Variants in KCNN2 observed in about 807,000 individuals in gnomAD.
KCNN2 encodes potassium calcium-activated channel subfamily N member 2, also known as small conductance calcium-activated potassium channel protein 2.
Under a neutral mutation model 55.5 loss-of-function variants are expected in KCNN2, and 24 were observed. The ratio of observed to expected loss-of-function variants is 0.43; its 90% CI spans 0.31 to 0.61. KCNN2 has a LOEUF of 0.61. Among genes scored for constraint, KCNN2 ranks in the 20% least tolerant of loss-of-function variants. KCNN2 has a pLI of 0.08. For missense variants in KCNN2, 754 were observed against 853.6 expected, an observed-to-expected ratio of 0.88 and a Z score of 1.45; for synonymous variants, 431 against 336.1, an observed-to-expected ratio of 1.28 and a Z score of -3.09.
chr5:114,399,833 G>A (rs116325239), intron 2 of KCNN2, among the ~76,000 whole-genome samples: 4,242 of 151,648 alleles, frequency 0.028, 75 homozygotes, highest in Middle Eastern at 0.062. Flanking sequence ...TCGATCTTGG[G>A]AGATTGTATG....
intron 3 of KCNN2, among the ~76,000 whole-genome samples, chr5:114,419,719 A>G (rs1338766531): frequency 1.3e-5 from 2 of 152,218 alleles, no homozygotes; most frequent in African/African-American, 4.8e-5. Context: ...TGGCCTGTGC[A>G]GTGGCTCATG....
intron 4 of KCNN2, among the ~76,000 whole-genome samples, chr5:114,465,784 G>GACTT (rs1258129758): frequency 4.6e-5 from 7 of 152,158 alleles, no homozygotes; most frequent in African/African-American, 7.2e-5. Flanking sequence ...ATAAGGATCA[G>GACTT]ACTTATTTCC....
intron 2 of KCNN2, among the ~76,000 whole-genome samples, chr5:114,373,181 A>C (rs1336639930): frequency 6.6e-6 from 1 of 152,110 alleles, no homozygotes; most frequent in Non-Finnish European, 1.5e-5. Flanking sequence ...TGCCAGGTTC[A>C]TTGAGTACTG....
intron 2 of KCNN2, among the ~76,000 whole-genome samples, chr5:114,317,473 G>T (rs867688640): frequency 1.1e-4 from 17 of 152,166 alleles, no homozygotes; most frequent in African/African-American, 3.9e-4. Flanking sequence ...AGTGTGCAAT[G>T]ATAGCAAAAA....
chr5:114,227,884 G>T (rs1225619567), intron 2 of KCNN2, among the ~76,000 whole-genome samples: 1 of 152,038 alleles, frequency 6.6e-6, no homozygotes, highest in Non-Finnish European at 1.5e-5. Context: ...TATATATATA[G>T]TAGGTGAATA....
intron 1 of KCNN2, among the ~76,000 whole-genome samples, chr5:114,195,632 A>T (rs1183128132): frequency 6.6e-6 from 1 of 151,842 alleles, no homozygotes; most frequent in African/African-American, 2.4e-5. Context: ...ATGAAGAGAG[A>T]TAGTTTTACT....
intron 1 of KCNN2, among the ~76,000 whole-genome samples, chr5:114,089,302 T>C (rs528286319): frequency 6.6e-6 from 1 of 152,252 alleles, no homozygotes; most frequent in Admixed American, 6.5e-5. Flanking sequence ...ATAGCCATTA[T>C]CACAGGGCTA....
intron 2 of KCNN2, among the ~76,000 whole-genome samples, chr5:114,312,386 TACACACACACACACACACACACACAC>T (rs70976336): frequency 2.7e-4 from 14 of 51,834 alleles, no homozygotes; most frequent in South Asian, 2.8e-3. Context: ...AAAAAGGAGA[TACACACACACACACACACACACACAC>T]ACACACACAC....
chr5:114,488,558 C>T (rs1438931425), intron 6 of KCNN2, among the ~76,000 whole-genome samples: 1 of 152,160 alleles, frequency 6.6e-6, no homozygotes, highest in African/African-American at 2.4e-5. Flanking sequence ...AACCACCATC[C>T]AGGAGCCCTT....
chr5:114,464,201 G>A (rs1761337513), intron 4 of KCNN2, among the ~76,000 whole-genome samples: 1 of 152,204 alleles, frequency 6.6e-6, no homozygotes, highest in East Asian at 1.9e-4. Context: ...CTAGCAAGCT[G>A]TGATTATAAT....
rs113391161 is a variant in KCNN2 at position 114,487,445 on chromosome 5, A to G, written c.2018+268A>G. On this transcript the variant is annotated intron_variant, in intron 6 of 7. Coordinates refer to ENST00000673685, the MANE Select transcript of KCNN2 (RefSeq NM_021614.4). ...TTAGAATAACTTCTGCTGAAATTGT[A>G]TTTCTTAATTTGACCTATTTATTCA... is the stretch of plus-strand genomic sequence containing the variant. 4.1e-4 allele frequency among the ~76,000 whole-genome samples: 62 copies of G among 152,246 alleles called. 2 individuals are homozygous for G. The highest frequency in any genetic ancestry group is 1.5e-3 in the African/African-American group (61 of 41,560).
chr5:114,324,710 C>A (rs556937982), intron 2 of KCNN2, among the ~76,000 whole-genome samples: 2 of 152,124 alleles, frequency 1.3e-5, no homozygotes, highest in Non-Finnish European at 2.9e-5. Flanking sequence ...GATTTTGGTA[C>A]CTGGAAGTAG....
At chr5:114,102,385 T>C (rs1307615490) in intron 1 of KCNN2, among the ~76,000 whole-genome samples, 1 of 152,098 alleles carries the variant, frequency 6.6e-6, no homozygotes, top group Non-Finnish European at 1.5e-5. Flanking sequence ...ATTCTATAGA[T>C]TGCCTGTTCA....
chr5:114,217,177 C>T (rs906869599), intron 1 of KCNN2, among the ~76,000 whole-genome samples: 4 of 152,032 alleles, frequency 2.6e-5, no homozygotes, highest in African/African-American at 9.7e-5. Flanking sequence ...ATACATCATT[C>T]AACTTGATCT....
chr5:114,331,569 A>G (rs142456592), intron 2 of KCNN2, among the ~76,000 whole-genome samples: 28 of 152,372 alleles, frequency 1.8e-4, no homozygotes, highest in African/African-American at 6.0e-4. Context: ...AGAATGCACT[A>G]TGCAAATTCA....
At chr5:114,222,389 C>T (rs1754158990) in intron 2 of KCNN2, among the ~76,000 whole-genome samples, 2 of 152,148 alleles carry the variant, frequency 1.3e-5, no homozygotes, top group African/African-American at 4.8e-5. Flanking sequence ...GAAAGGGCTA[C>T]ATGGACAGGC....
chr5:114,163,541 A>T (rs930414190), intron 1 of KCNN2, among the ~76,000 whole-genome samples: 33 of 152,172 alleles, frequency 2.2e-4, no homozygotes, highest in Non-Finnish European at 3.8e-4. Context: ...ATCTATTGAG[A>T]TCATCATGTG....
intron 1 of KCNN2, among the ~76,000 whole-genome samples, chr5:114,114,709 C>T (rs1477068356): frequency 6.6e-6 from 1 of 152,102 alleles, no homozygotes; most frequent in East Asian, 1.9e-4. Flanking sequence ...TCACTCATCA[C>T]CTCATTGTTG....
chr5:114,396,638 T>C (rs147140868), intron 2 of KCNN2, among the ~76,000 whole-genome samples: 50 of 151,550 alleles, frequency 3.3e-4, no homozygotes, highest in African/African-American at 1.1e-3. Flanking sequence ...AACCTCTGCC[T>C]CCCAGGTTCA....
Sources: gnomAD v4.1 joint callset for allele counts (sites outside exome capture counted in the v4.1 genomes callset) on GRCh38, gnomAD v4.1.1 for gene constraint, MANE v1.5 for transcripts, NCBI Gene and HGNC (gene_info 2026-07-23, HGNC 2026-07-21) for gene names.